Variants in CMIP observed in about 807,000 individuals in gnomAD.
CMIP encodes C-Maf-inducing protein.
Under a neutral mutation model 97.3 loss-of-function variants are expected in CMIP, and 13 were observed. The observed-to-expected ratio is 0.13, with a 90% confidence interval of 0.09 to 0.21. The LOEUF (loss-of-function observed/expected upper bound fraction) is 0.21, where lower values mean the gene tolerates loss of function less well. Ranked by LOEUF, CMIP falls within the 10% of genes least tolerant of loss-of-function variation. CMIP has a pLI of 1.00. For synonymous variants in CMIP, 538 were observed against 436.3 expected, an observed-to-expected ratio of 1.23 and a Z score of -2.91; for missense variants, 847 against 1,024.9, an observed-to-expected ratio of 0.83 and a Z score of 2.37.
chr16:81,476,465 G>A (rs1907926221), intron 1 of CMIP: 3 of 821,288 alleles, frequency 3.7e-6, no homozygotes, highest in South Asian at 1.3e-5. Flanking sequence ...AAGGAGATGC[G>A]GCCCAAGGGC....
At chr16:81,594,009 C>T (rs1395833343) in intron 1 of CMIP, among the ~76,000 whole-genome samples, 1 of 104,668 alleles carries the variant, frequency 9.6e-6, no homozygotes, top group East Asian at 3.5e-4. Flanking sequence ...CTCTTTCCTC[C>T]TCTTCCTCCC....
chr16:81,693,545 G>C (rs2151083395), intron 13 of CMIP, 58 bp downstream of exon 13: 1 of 1,562,468 alleles, frequency 6.4e-7, no homozygotes, highest in Non-Finnish European at 8.7e-7. Context: ...GGATGCACGA[G>C]GGCCCCTTAG....
At chr16:81,683,481 C>T (rs188678476) in intron 10 of CMIP, among the ~76,000 whole-genome samples, 12 of 152,188 alleles carry the variant, frequency 7.9e-5, no homozygotes, top group Admixed American at 5.2e-4. Context: ...CCTCTGCCCC[C>T]CAGGTTCAAG....
At chr16:81,537,511 GGTGACAGAGAGA>G (rs2090365196) in intron 1 of CMIP, among the ~76,000 whole-genome samples, 1 of 141,896 alleles carries the variant, frequency 7.0e-6, no homozygotes, top group Admixed American at 7.2e-5. Flanking sequence ...CTCCAGCTTG[GGTGACAGAGAGA>G]GACTCCGTCT....
chr16:81,611,177 T>C (rs1455937630), intron 2 of CMIP, among the ~76,000 whole-genome samples: 3 of 152,234 alleles, frequency 2.0e-5, no homozygotes, highest in Non-Finnish European at 4.4e-5. Flanking sequence ...GGGCCACACA[T>C]GGCCAAAGGC....
intron 1 of CMIP, among the ~76,000 whole-genome samples, chr16:81,566,927 C>G (rs900167679): frequency 1.3e-5 from 2 of 152,166 alleles, no homozygotes; most frequent in East Asian, 1.9e-4. Context: ...CAAGGTCAGA[C>G]AAAACTACCC....
intron 1 of CMIP, among the ~76,000 whole-genome samples, chr16:81,515,727 C>T (rs759693734): frequency 7.9e-5 from 12 of 152,168 alleles, no homozygotes; most frequent in African/African-American, 2.2e-4. Context: ...CCTTGGGGTC[C>T]GTTCCTTGTC....
intron 1 of CMIP, among the ~76,000 whole-genome samples, chr16:81,574,766 G>A (rs2091159907): frequency 6.6e-6 from 1 of 152,138 alleles, no homozygotes; most frequent in Non-Finnish European, 1.5e-5. Context: ...TTCTCGGGAG[G>A]CTCACAGGCC....
intron 10 of CMIP, among the ~76,000 whole-genome samples, chr16:81,682,742 G>C (rs543129563): frequency 1.7e-4 from 26 of 152,358 alleles, no homozygotes; most frequent in African/African-American, 5.8e-4. Flanking sequence ...CAGGGGTAGT[G>C]GGGCGCAGGC....
At chr16:81,630,724 G>GA (rs1162969526) in intron 3 of CMIP, 4 of 152,200 alleles carry the variant, frequency 2.6e-5, no homozygotes, top group Non-Finnish European at 4.4e-5. Flanking sequence ...CATCCAGGTT[G>GA]AAAAGGCAGG....
intron 1 of CMIP, among the ~76,000 whole-genome samples, chr16:81,516,969 G>A (rs1239721861): frequency 2.0e-5 from 3 of 151,906 alleles, no homozygotes; most frequent in Non-Finnish European, 1.5e-5. Flanking sequence ...AAGGTCTTCA[G>A]TGAAAAACCA....
chr16:81,611,599 TTCTC>T (rs1044969020), intron 2 of CMIP, among the ~76,000 whole-genome samples: 2 of 152,024 alleles, frequency 1.3e-5, no homozygotes, highest in African/African-American at 4.8e-5. Context: ...CCTCTCCTCT[TTCTC>T]TCTCTTTAGT....
At chr16:81,508,927 C>A (rs62046584) in intron 1 of CMIP, among the ~76,000 whole-genome samples, 30,020 of 152,218 alleles carry the variant, frequency 0.2, 3,617 homozygotes, top group Admixed American at 0.31. Flanking sequence ...GTGGTTCTCC[C>A]TTGGCCTTGC....
At chr16:81,690,117 A>G (rs912298024) in intron 10 of CMIP, among the ~76,000 whole-genome samples, 2 of 152,196 alleles carry the variant, frequency 1.3e-5, no homozygotes, top group African/African-American at 4.8e-5. Context: ...CTTTTGGCTT[A>G]GGATTGTCTT....
chr16:81,706,652 C>T (rs537790504), intron 19 of CMIP, among the ~76,000 whole-genome samples: 58 of 152,264 alleles, frequency 3.8e-4, no homozygotes, highest in African/African-American at 5.1e-4. Context: ...TCAATGACGA[C>T]GGGGGGACCA....
rs1288298031 is a variant in CMIP at position 81,445,480 on chromosome 16, T to A, written c.239T>A (p.Phe80Tyr). 6.4e-7 allele frequency: 1 copy of A among 1,560,330 alleles called. No individual in the cohort carries two copies. Among genetic ancestry groups the A allele is most frequent in the African/African-American group, 1.4e-5 (1 of 73,448 alleles). Reference sequence around the variant, plus strand: ...CTCAGCAAGATCCTCACCTCGAAATTCCTGAGGCGCTGGGAGCCGCACCAC... The same window carrying A: ...CTCAGCAAGATCCTCACCTCGAAATACCTGAGGCGCTGGGAGCCGCACCAC... The part of the protein sequence containing the change: ...TFLSKILTSK[F>Y]LRRWEPHHLT... The change falls in exon 1 of 21, where the codon TTC becomes TAC. Residue 80 changes from phenylalanine (F) to tyrosine (Y), a missense_variant. Coordinates refer to ENST00000537098, the MANE Select transcript of CMIP (RefSeq NM_198390.3).
At chr16:81,494,305 G>A (rs893944016) in intron 1 of CMIP, among the ~76,000 whole-genome samples, 18 of 152,258 alleles carry the variant, frequency 1.2e-4, no homozygotes, top group Non-Finnish European at 2.6e-4. Context: ...AGCCCAGCCA[G>A]CTGCAGGTGT....
chr16:81,601,431 C>T (rs2091655904), intron 1 of CMIP, among the ~76,000 whole-genome samples: 1 of 152,260 alleles, frequency 6.6e-6, no homozygotes, highest in African/African-American at 2.4e-5. Flanking sequence ...GGGGTCAGCT[C>T]ACCCCATTCC....
chr16:81,486,668 C>T (rs1275839047), intron 1 of CMIP, among the ~76,000 whole-genome samples: 1 of 152,198 alleles, frequency 6.6e-6, no homozygotes, highest in African/African-American at 2.4e-5. Flanking sequence ...CAGAGAGAGC[C>T]AGACTCCCCA....
Sources: allele counts gnomAD v4.1 joint callset (sites outside exome capture counted in the v4.1 genomes callset), GRCh38; gene constraint gnomAD v4.1.1; transcripts MANE v1.5; gene names NCBI Gene and HGNC (gene_info 2026-07-23, HGNC 2026-07-21).